Variants in KLHDC8A observed in about 807,000 individuals in gnomAD.
KLHDC8A encodes kelch domain containing 8A.
KLHDC8A carries 21 observed loss-of-function variants against 33.1 expected under a neutral mutation model. The ratio of observed to expected loss-of-function variants is 0.64; its 90% CI spans 0.45 to 0.91. The LOEUF (loss-of-function observed/expected upper bound fraction) is 0.91, where lower values mean the gene tolerates loss of function less well. Ranked by LOEUF, KLHDC8A falls within the 40% of genes least tolerant of loss-of-function variation. The probability of loss-of-function intolerance (pLI) is 0.00; values close to 1 mark genes in which losing one functional copy is unlikely to be tolerated. For missense variants in KLHDC8A, 435 were observed against 483.3 expected (o/e 0.90, Z 0.94); for synonymous variants, 173 against 193.5 (o/e 0.89, Z 0.88).
intron 1 of KLHDC8A, among the ~76,000 whole-genome samples, chr1:205,349,275 C>G (rs982621364): frequency 3.3e-5 from 5 of 152,206 alleles, no homozygotes; most frequent in African/African-American, 1.2e-4. Context: ...CCTTCCTGAC[C>G]ACGCAGCCTT....
intron 5 of KLHDC8A, 77 bp downstream of exon 5, chr1:205,338,418 C>G (rs1199047099): frequency 3.4e-6 from 4 of 1,164,104 alleles, no homozygotes; most frequent in Non-Finnish European, 5.2e-6. Flanking sequence ...AGTACCCTTT[C>G]CTGCATATGC....
intron 5 of KLHDC8A, among the ~76,000 whole-genome samples, chr1:205,338,126 G>A (rs916923497): frequency 3.3e-5 from 5 of 152,170 alleles, no homozygotes; most frequent in African/African-American, 4.8e-5. Flanking sequence ...CCTGTTCCAC[G>A]ATTGGGCTGG....
chr1:205,340,313 C>A (rs184437468), intron 2 of KLHDC8A, among the ~76,000 whole-genome samples: 2 of 152,246 alleles, frequency 1.3e-5, no homozygotes, highest in Non-Finnish European at 2.9e-5. Flanking sequence ...CTGTGCCCAG[C>A]TGCCTGGGTC....
At position 205,337,461 on chromosome 1, in the gene KLHDC8A, C is replaced by A; in HGVS notation, c.991G>T (p.Val331Leu). Residue 331 changes from valine (V) to leucine (L), a missense_variant, in exon 6 of 6, where the codon GTG becomes TTG. Physicochemically the swap from Val to Leu is conservative, Grantham distance 32 (BLOSUM62 1). Coordinates refer to ENST00000367155, the MANE Select transcript of KLHDC8A (RefSeq NM_018203.3). ...CTCAGACCCTGGTTGACACCTCCCA[C>A]GGCGAGGAGGCAGTTCTTGACGACT... is the stretch of plus-strand genomic sequence containing the variant. ...SIVVKNCLLAVGGVNQGLSDA... is the reference protein window; with the variant it reads ...SIVVKNCLLALGGVNQGLSDA... 6.2e-7 allele frequency: 1 copy of A among 1,613,964 alleles called. No homozygotes were observed. The highest frequency in any genetic ancestry group is 1.7e-5 in the Admixed American group (1 of 60,016).
In KLHDC8A at chr1:205,347,667, A is replaced by G. The variant is rs138825204; in HGVS notation, c.-189-3874T>C. Among the ~76,000 whole-genome samples the G allele has an allele frequency of 7.6e-3, 1,153 of 152,208 alleles. 7 individuals are homozygous for G. The highest frequency in any genetic ancestry group is 0.013 in the Admixed American group (199 of 15,288). On this transcript the variant is annotated intron_variant, in intron 1 of 5. Coordinates refer to ENST00000367155, the MANE Select transcript of KLHDC8A (RefSeq NM_018203.3). The stretch of plus-strand genomic sequence containing the variant: ...GGGGTAGAGGCTTCAGTGAAACAAG[A>G]TCGTGCCACTGCACTCCAGCCCAGG...
chr1:205,346,295 G>A (rs766335919), intron 1 of KLHDC8A, among the ~76,000 whole-genome samples: 12 of 152,184 alleles, frequency 7.9e-5, no homozygotes, highest in Non-Finnish European at 1.3e-4. Context: ...AATAGGGAAC[G>A]CACCTTTACC....
At chr1:205,351,590 T>C in intron 1 of KLHDC8A, 1 of 429,342 alleles carries the variant, frequency 2.3e-6, no homozygotes, top group African/African-American at 2.5e-5. Flanking sequence ...TTAAATAAAC[T>C]TCTGTAATAG....
chr1:205,345,017 A>G (rs1352392054), intron 1 of KLHDC8A, among the ~76,000 whole-genome samples: 1 of 152,168 alleles, frequency 6.6e-6, no homozygotes, highest in African/African-American at 2.4e-5. Context: ...TTGACAAACA[A>G]TCCTTGCAAG....
rs1662640505 is a variant in KLHDC8A, at chr1:205,336,650, C to T, written c.*749G>A. 1 of 152,616 alleles carries T rather than the reference C, an allele frequency of 6.6e-6. No individual in the cohort carries two copies. The highest frequency in any genetic ancestry group is 6.5e-5 in the Admixed American group (1 of 15,280). 9.5% of individuals were successfully genotyped at this position (152,616 alleles called of 1,614,324 possible). A position where few individuals can be genotyped will look rare whatever the true frequency, so the allele number is the denominator to read the frequency against. On this transcript the variant is annotated 3_prime_UTR_variant, in exon 6 of 6. Transcript: ENST00000367155. ...GAAACACTCTGGGGGCCTTCGGTGACAAAAGGGCTAGGCCTCTGGTGGGGA... is the reference window on the plus strand; with the variant it reads ...GAAACACTCTGGGGGCCTTCGGTGATAAAAGGGCTAGGCCTCTGGTGGGGA...
chr1:205,343,462 C>G lies in KLHDC8A; in HGVS notation c.143G>C (p.Cys48Ser). 1.2e-6 allele frequency: 2 copies of G among 1,613,622 alleles called. No individual in the cohort carries two copies. Among genetic ancestry groups the G allele is most frequent in the Non-Finnish European group, 1.7e-6 (2 of 1,179,898 alleles). The change falls in exon 2 of 6, where the codon TGC becomes TCC. Residue 48 changes from cysteine to serine, a missense_variant. Transcript: ENST00000367155. ...GGCCTCCGGGGAGTAGACCTCGAAG[C>G]AGTCCATGGGGACGCCGTTGTCGTC... ...GCDDNGVPMDCFEVYSPEADQ... is the reference protein window; with the variant it reads ...GCDDNGVPMDSFEVYSPEADQ...
chr1:205,338,065 A>G (rs182873797), intron 5 of KLHDC8A, among the ~76,000 whole-genome samples: 1 of 152,188 alleles, frequency 6.6e-6, no homozygotes, highest in African/African-American at 2.4e-5. Flanking sequence ...GGCAGAGTTA[A>G]TACATCAAAC....
chr1:205,343,740 C>G lies in KLHDC8A; in HGVS notation c.-136G>C. 1.1e-6 allele frequency: 1 copy of G among 943,266 alleles called. No individual in the cohort carries two copies. Among genetic ancestry groups the G allele is most frequent in the Non-Finnish European group, 1.5e-6 (1 of 653,550 alleles). 58.4% of individuals were successfully genotyped at this position (943,266 alleles called of 1,614,324 possible). ...GCGCCGGACCCAGCCAGACCCCGGC[C>G]AGTGCTTCACCGTGCCCCGAGTCTC... On this transcript the variant is annotated 5_prime_UTR_variant, in exon 2 of 6. Transcript: ENST00000367155.
At chr1:205,343,180 G>GC in intron 2 of KLHDC8A, 49 bp downstream of exon 2, 1 of 1,532,462 alleles carries the variant, frequency 6.5e-7, no homozygotes, top group Non-Finnish European at 8.8e-7. Flanking sequence ...TTCCCTCCTG[G>GC]CCCCCCACTT....
chr1:205,356,583 AG>A lies in KLHDC8A; in HGVS notation c.-241del, dbSNP rs755378904. 1 of 456,362 alleles carries A rather than the reference AG, an allele frequency of 2.2e-6. No homozygotes were observed. Among genetic ancestry groups the A allele is most frequent in the South Asian group, 1.5e-5 (1 of 64,572 alleles). 28.3% of individuals were successfully genotyped at this position (456,362 alleles called of 1,614,324 possible). On this transcript the variant is annotated 5_prime_UTR_variant, in exon 1 of 6. Transcript: ENST00000367155. ...CCCGGCGATCATCTGCAAAAGACAA[AG>A]AAGGGGAGGGGCCGGGAGAGGGTCG...
At chr1:205,342,198 T>C (rs1052420866) in intron 2 of KLHDC8A, among the ~76,000 whole-genome samples, 3 of 152,222 alleles carry the variant, frequency 2.0e-5, no homozygotes, top group African/African-American at 7.2e-5. Flanking sequence ...AGCACTTACC[T>C]GTATACAAAG....
In KLHDC8A at chr1:205,351,451, A is replaced by G. The variant is rs1663102598; in HGVS notation, c.-190+5082T>C. Reference sequence around the variant, plus strand: ...GGTAATATGAGGAAATAGTATCATCATGTTAGAAGCCTTGGAATGAGTATA... The same window carrying G: ...GGTAATATGAGGAAATAGTATCATCGTGTTAGAAGCCTTGGAATGAGTATA... On this transcript the variant is annotated intron_variant, in intron 1 of 5. Coordinates refer to ENST00000367155, the MANE Select transcript of KLHDC8A (RefSeq NM_018203.3). 8.9e-6 allele frequency: 7 copies of G among 788,294 alleles called. No individual in the cohort carries two copies. In the South Asian group the frequency reaches 9.4e-5, roughly 11 times the overall value. The allele number at this position is 788,294 out of a possible 1,614,324, so 48.8% of individuals were successfully genotyped here.
At chr1:205,346,695 A>C (rs1936485) in intron 1 of KLHDC8A, among the ~76,000 whole-genome samples, 1 of 152,206 alleles carries the variant, frequency 6.6e-6, no homozygotes, top group Non-Finnish European at 1.5e-5. Flanking sequence ...GGCCGTTCAG[A>C]GTGGGTCCAA....
intron 1 of KLHDC8A, among the ~76,000 whole-genome samples, chr1:205,350,825 A>ATGCGTGTGTGTGTG (rs1253933838): frequency 5.3e-5 from 8 of 151,558 alleles, no homozygotes; most frequent in Non-Finnish European, 1.2e-4. Flanking sequence ...GTGTGTGTGC[A>ATGCGTGTGTGTGTG]TGCATGTGTG....
chr1:205,341,406 T>C (rs887145853), intron 2 of KLHDC8A, among the ~76,000 whole-genome samples: 1 of 151,780 alleles, frequency 6.6e-6, no homozygotes, highest in Non-Finnish European at 1.5e-5. Flanking sequence ...AGACGGTGCC[T>C]GCTAATGAGG....
Sources: gnomAD v4.1 joint callset for allele counts (sites outside exome capture counted in the v4.1 genomes callset) on GRCh38, gnomAD v4.1.1 for gene constraint, MANE v1.5 for transcripts, NCBI Gene and HGNC (gene_info 2026-07-23, HGNC 2026-07-21) for gene names.